The following NAV3 variants were observed in gnomAD, a reference collection of about 807,000 sequenced individuals.
The protein encoded by NAV3 is neuron navigator 3, also known as pore membrane and/or filament interacting like protein 1.
In NAV3, 87 loss-of-function variants were observed where a neutral mutation model predicts 244.7. The ratio of observed to expected loss-of-function variants is 0.36; its 90% CI spans 0.30 to 0.42. The LOEUF (loss-of-function observed/expected upper bound fraction) is 0.42, where lower values mean the gene tolerates loss of function less well. Ranked by LOEUF, NAV3 falls within the 20% of genes least tolerant of loss-of-function variation. The pLI is 1.00. For synonymous variants in NAV3, 1,126 were observed against 1,042.2 expected (o/e 1.08, Z -1.55); for missense variants, 2,663 against 2,893.3 (o/e 0.92, Z 1.83).
In NAV3 at chr12:77,831,540, C is replaced by G. The variant is rs763376821; in HGVS notation, c.79C>G (p.Pro27Ala). The change falls in exon 1 of 40, where the codon CCA (proline) becomes GCA (alanine). Residue 27 changes from proline (P) to alanine (A), a missense_variant. Physicochemically the swap from Pro to Ala is conservative, Grantham distance 27. Around this residue, in one of 6 missense-constraint regions of NAV3, gnomAD observed 1,521 missense variants for 1,497.0 expected, o/e 1.02. Transcript: ENST00000397909. ...SKPVHTALPI[P>A]NLGTTGSQHC... ...GCCTGTGCATACTGCTCTTCCGATA[C>G]CAAATCTTGGCACTACTGGGTCACA... 5.1e-5 allele frequency: 82 copies of G among 1,613,976 alleles called. No homozygotes were observed. The highest frequency in any genetic ancestry group is 6.9e-5 in the Non-Finnish European group (81 of 1,180,010).
intron 21 of NAV3, among the ~76,000 whole-genome samples, chr12:78,146,668 T>C (rs891520450): frequency 6.6e-6 from 1 of 152,128 alleles, no homozygotes; most frequent in Non-Finnish European, 1.5e-5. Context: ...CATTAAGTCA[T>C]TGATAAATGA....
intron 1 of NAV3, among the ~76,000 whole-genome samples, chr12:77,938,676 T>C (rs1889564390): frequency 6.6e-6 from 1 of 152,142 alleles, no homozygotes; most frequent in South Asian, 2.1e-4. Context: ...TTTTGACATA[T>C]AACAATACTA....
At chr12:77,938,057 G>T (rs943890139) in intron 1 of NAV3, among the ~76,000 whole-genome samples, 1 of 152,098 alleles carries the variant, frequency 6.6e-6, no homozygotes, top group African/African-American at 2.4e-5. Context: ...AGATCTGTCT[G>T]ACTCCAGAAC....
chr12:78,190,167 A>T lies in NAV3; in HGVS notation c.6239A>T (p.Lys2080Ile). The T allele has an allele frequency of 6.2e-7, 1 of 1,612,948 alleles. No individual in the cohort carries two copies. Among genetic ancestry groups the T allele is most frequent in the South Asian group, 1.1e-5 (1 of 91,056 alleles). The part of the protein sequence containing the change: ...AEYVITKSGR[K>I]KTEDAIATFN... Reference sequence around the variant, plus strand: ...TATGTAATAACCAAATCTGGAAGGAAAAAAACAGAGGATGCAATTGCCACT... The same window carrying T: ...TATGTAATAACCAAATCTGGAAGGATAAAAACAGAGGATGCAATTGCCACT... Residue 2080 changes from lysine (K) to isoleucine (I), a missense_variant, in exon 34 of 40, where the codon AAA (lysine) becomes ATA (isoleucine). Transcript: ENST00000397909.
intron 16 of NAV3, among the ~76,000 whole-genome samples, chr12:78,125,519 G>A (rs1471660973): frequency 6.6e-6 from 1 of 152,056 alleles, no homozygotes; most frequent in Non-Finnish European, 1.5e-5. Context: ...TAAATAATTT[G>A]TAGTAACCAA....
intron 1 of NAV3, among the ~76,000 whole-genome samples, chr12:77,834,897 C>A (rs1874356570): frequency 6.8e-6 from 1 of 148,054 alleles, no homozygotes; most frequent in Non-Finnish European, 1.5e-5. Context: ...AAAAAAAAAC[C>A]CAGAACTGAA....
chr12:77,904,387 C>T (rs1410668552), intron 1 of NAV3, among the ~76,000 whole-genome samples: 2 of 152,000 alleles, frequency 1.3e-5, no homozygotes, highest in African/African-American at 2.4e-5. Context: ...AGCAAACTAT[C>T]GCAAGGACAA....
intron 2 of NAV3, among the ~76,000 whole-genome samples, chr12:77,759,800 A>C (rs2135832550): frequency 6.6e-6 from 1 of 152,146 alleles, no homozygotes; most frequent in South Asian, 2.1e-4. Context: ...TTCCAGTTTG[A>C]TTCCAAAAGA....
intron 1 of NAV3, among the ~76,000 whole-genome samples, chr12:77,932,886 CTG>C (rs1452667348): frequency 1.3e-5 from 2 of 152,164 alleles, no homozygotes; most frequent in Admixed American, 1.3e-4. Context: ...ACAAAATTCT[CTG>C]AAATCATGAG....
At chr12:78,172,745 C>T (rs1189958703) in intron 24 of NAV3, among the ~76,000 whole-genome samples, 1 of 151,448 alleles carries the variant, frequency 6.6e-6, no homozygotes, top group African/African-American at 2.4e-5. Context: ...AAGGAAAATA[C>T]TAAGCAAACA....
At chr12:77,682,389 T>C (rs1319500026) in intron 2 of NAV3, among the ~76,000 whole-genome samples, 1 of 152,168 alleles carries the variant, frequency 6.6e-6, no homozygotes, top group Non-Finnish European at 1.5e-5. Context: ...ACATTTTCTT[T>C]ATTTGTTTAT....
At chr12:77,828,766 C>T (rs1187636215), upstream of NAV3, among the ~76,000 whole-genome samples, 1 of 151,986 alleles carries the variant, frequency 6.6e-6, no homozygotes, top group Non-Finnish European at 1.5e-5. Flanking sequence ...AAAGATATTG[C>T]CTAATATGCA....
chr12:77,626,099 C>T (rs1871607695), intron 2 of NAV3, among the ~76,000 whole-genome samples: 1 of 151,952 alleles, frequency 6.6e-6, no homozygotes, highest in Middle Eastern at 3.4e-3. Context: ...AGATAGATAT[C>T]ATAAAAAGAA....
chr12:77,707,697 A>G (rs1875893796), intron 2 of NAV3, among the ~76,000 whole-genome samples: 1 of 152,172 alleles, frequency 6.6e-6, no homozygotes, highest in African/African-American at 2.4e-5. Context: ...AAGTGTTCCT[A>G]ATTCTCCACA....
chr12:77,947,927 A>G (rs140048089), intron 3 of NAV3, among the ~76,000 whole-genome samples: 1 of 152,066 alleles, frequency 6.6e-6, no homozygotes, highest in Non-Finnish European at 1.5e-5. Context: ...TGTTAAAAGA[A>G]CAAAGGTGAC....
upstream of NAV3, among the ~76,000 whole-genome samples, chr12:77,830,478 T>G (rs1428190998): frequency 6.6e-6 from 1 of 152,252 alleles, no homozygotes; most frequent in Non-Finnish European, 1.5e-5. Context: ...CATAACTGCT[T>G]TGTAATACAT....
rs991757466 is a variant in NAV3, at chr12:78,122,090, T to C, written c.3900T>C (p.Ser1300=). Residue 1300 remains serine (S), a synonymous_variant, in exon 16 of 40, where the codon AGT becomes AGC. Coordinates refer to ENST00000397909, the MANE Select transcript of NAV3 (RefSeq NM_001024383.2). Reference sequence around the variant, plus strand: ...CGTCCGGTACGGGCAGCATGGGCAGTGCTGGTGGGCTAAGCGGCAGCAGCA... The same window carrying C: ...CGTCCGGTACGGGCAGCATGGGCAGCGCTGGTGGGCTAAGCGGCAGCAGCA... ...SPSSGTGSMG[S]AGGLSGSSSP... The C allele has an allele frequency of 6.2e-7, 1 of 1,614,206 alleles. No homozygotes were observed. Among genetic ancestry groups the C allele is most frequent in the Admixed American group, 1.7e-5 (1 of 60,030 alleles).
chr12:77,939,427 A>G (rs1889650700), intron 1 of NAV3, among the ~76,000 whole-genome samples: 1 of 151,990 alleles, frequency 6.6e-6, no homozygotes, highest in Non-Finnish European at 1.5e-5. Flanking sequence ...TTCTATTCTC[A>G]TTTCAAATAT....
intron 16 of NAV3, among the ~76,000 whole-genome samples, chr12:78,123,247 G>A (rs552384424): frequency 8.7e-4 from 132 of 152,176 alleles, no homozygotes; most frequent in African/African-American, 3.0e-3. Context: ...CTTGACATAA[G>A]TAAAGCTTTA....
Sources: gnomAD v4.1 joint callset for allele counts (sites outside exome capture counted in the v4.1 genomes callset) on GRCh38, gnomAD v4.1.1 for gene constraint, gnomAD v4.1.1 regional missense constraint, MANE v1.5 for transcripts, NCBI Gene and HGNC (gene_info 2026-07-23, HGNC 2026-07-21) for gene names.